WNK2: variants seen among roughly 807,000 people sequenced by gnomAD.
The protein encoded by WNK2 is serine/threonine-protein kinase WNK2.
A neutral mutation model predicts 192.1 loss-of-function variants in WNK2; 67 were observed. That is an observed-to-expected ratio of 0.35 (90% confidence interval 0.29 to 0.43). WNK2 has a LOEUF of 0.43. Ranked by LOEUF, WNK2 falls within the 20% of genes least tolerant of loss-of-function variation. WNK2 has a pLI of 1.00. For missense variants in WNK2, 2,698 were observed against 3,089.7 expected (o/e 0.87, Z 3.01); for synonymous variants, 1,439 against 1,393.9 (o/e 1.03, Z -0.72).
At chr9:93,202,317 C>T (rs1477389037) in intron 2 of WNK2, among the ~76,000 whole-genome samples, 2 of 130,952 alleles carry the variant, frequency 1.5e-5, no homozygotes, top group African/African-American at 5.9e-5. Context: ...TGCTGGGCTC[C>T]GTGTGCACGT....
chr9:93,257,948 C>T lies in WNK2; in HGVS notation c.2382+809C>T, dbSNP rs1843579954. 6.6e-6 allele frequency among the ~76,000 whole-genome samples: 1 copy of T among 152,186 alleles called. No individual in the cohort carries two copies. Among genetic ancestry groups the T allele is most frequent in the Admixed American group, 6.5e-5 (1 of 15,284 alleles). On this transcript the variant is annotated intron_variant, in intron 11 of 29. Coordinates refer to ENST00000427277, the MANE Select transcript of WNK2 (RefSeq NM_006648.4). The surrounding 1 kb of genome is among the most constrained non-coding windows in gnomAD (Gnocchi z 4.7). Reference sequence around the variant, plus strand: ...GCTTCGGTGACCCGGACAGGCTGATCAGTGATAAGACTGGAAGTGTGCTTC... The same window carrying T: ...GCTTCGGTGACCCGGACAGGCTGATTAGTGATAAGACTGGAAGTGTGCTTC...
chr9:93,284,508 GGAATGCTTTCTCTTTGA>G (rs1186122290), intron 19 of WNK2, among the ~76,000 whole-genome samples: 1 of 151,808 alleles, frequency 6.6e-6, no homozygotes, highest in Non-Finnish European at 1.5e-5. Context: ...GGTGAAATGT[GGAATGCTTTCTCTTTGA>G]GATGGGGAAC....
rs539604897 is a variant in WNK2, at chr9:93,288,408, G to A, written c.4034-380G>A. 1.4e-4 allele frequency among the ~76,000 whole-genome samples: 21 copies of A among 152,330 alleles called. No homozygotes were observed. The South Asian group carries it at 3.9e-3, about 29-fold the overall frequency. On this transcript the variant is annotated intron_variant, in intron 19 of 29. Transcript: ENST00000427277. ...GTCCAGTGCAAGATAGACAAGAGCC[G>A]TATCTTTCTGGAGCTGTCTGTGCGG...
At chr9:93,310,456 T>A (rs1331807149) in intron 28 of WNK2, among the ~76,000 whole-genome samples, 5 of 151,460 alleles carry the variant, frequency 3.3e-5, no homozygotes, top group Non-Finnish European at 5.9e-5. Flanking sequence ...AAAATATATA[T>A]ATATATATAA....
intron 2 of WNK2, among the ~76,000 whole-genome samples, chr9:93,203,341 TAGC>T (rs1832814757): frequency 6.6e-6 from 1 of 151,334 alleles, no homozygotes; most frequent in African/African-American, 2.4e-5. Context: ...TGGCGGGTGG[TAGC>T]AGAGGATGCA....
chr9:93,239,856 C>A lies in WNK2; in HGVS notation c.1422C>A (p.Ile474=). 6.2e-7 allele frequency: 1 copy of A among 1,601,074 alleles called. No individual in the cohort carries two copies. Among genetic ancestry groups the A allele is most frequent in the Non-Finnish European group, 8.5e-7 (1 of 1,174,274 alleles). ...AEEDHGRKST[I]ALRLWVEDPK... Reference sequence around the variant, plus strand: ...AGGACCACGGCAGGAAGTCCACCATCGCCCTGAGGCTCTGGGTGGAAGACC... The same window carrying A: ...AGGACCACGGCAGGAAGTCCACCATAGCCCTGAGGCTCTGGGTGGAAGACC... The change falls in exon 7 of 30, where the codon ATC becomes ATA. Residue 474 remains isoleucine, a synonymous_variant. Transcript: ENST00000427277. This position sits in a 1 kb window ranked among gnomAD's most constrained non-coding sequence, Gnocchi z 4.2.
At chr9:93,238,401 T>C in intron 6 of WNK2, 80 bp downstream of exon 6, 1 of 1,363,934 alleles carries the variant, frequency 7.3e-7, no homozygotes. Context: ...GCTGTGTTCT[T>C]GATGAGGGGA....
At chr9:93,311,916 C>T (rs1853730578) in intron 28 of WNK2, among the ~76,000 whole-genome samples, 1 of 152,098 alleles carries the variant, frequency 6.6e-6, no homozygotes, top group South Asian at 2.1e-4. Context: ...CACCGTGCGC[C>T]ACCGCGTTCA....
At chr9:93,209,300 G>A (rs988288821) in intron 2 of WNK2, among the ~76,000 whole-genome samples, 7 of 152,264 alleles carry the variant, frequency 4.6e-5, no homozygotes, top group African/African-American at 1.4e-4. Flanking sequence ...GCGCAAGGCC[G>A]GGACATTCTG....
chr9:93,231,704 A>T (rs1394644914), intron 4 of WNK2, among the ~76,000 whole-genome samples: 1 of 152,214 alleles, frequency 6.6e-6, no homozygotes, highest in African/African-American at 2.4e-5. Flanking sequence ...CAAGGAATTA[A>T]TTCAGCTTCT....
chr9:93,227,238 C>T (rs1010589331), intron 2 of WNK2, among the ~76,000 whole-genome samples: 6 of 152,032 alleles, frequency 3.9e-5, no homozygotes, highest in Admixed American at 2.6e-4. Flanking sequence ...CTCAGCCTCC[C>T]GAGTAGCTGG....
intron 8 of WNK2, among the ~76,000 whole-genome samples, chr9:93,250,339 A>G (rs1842403058): frequency 6.6e-6 from 1 of 152,372 alleles, no homozygotes; most frequent in South Asian, 2.1e-4. Flanking sequence ...ACAAATGTGA[A>G]CACATTCACC....
At chr9:93,269,362 C>G (rs1845699660) in intron 19 of WNK2, among the ~76,000 whole-genome samples, 1 of 152,140 alleles carries the variant, frequency 6.6e-6, no homozygotes, top group Admixed American at 6.5e-5. Flanking sequence ...GTTACTGATT[C>G]TATAACTTGA....
chr9:93,285,212 G>A (rs1848278758), intron 19 of WNK2, among the ~76,000 whole-genome samples: 2 of 152,086 alleles, frequency 1.3e-5, no homozygotes, highest in African/African-American at 2.4e-5. Flanking sequence ...AGAAATAATC[G>A]TGGCCTTTTG....
intron 7 of WNK2, among the ~76,000 whole-genome samples, chr9:93,245,257 T>C (rs545788123): frequency 1.2e-4 from 18 of 152,370 alleles, no homozygotes; most frequent in Middle Eastern, 3.4e-3. Context: ...TCGTGTCTGC[T>C]TCCTGAAACT....
intron 16 of WNK2, among the ~76,000 whole-genome samples, chr9:93,265,358 T>C (rs1186583799): frequency 1.3e-5 from 2 of 152,088 alleles, no homozygotes; most frequent in Non-Finnish European, 2.9e-5. Flanking sequence ...GTGAGAGGCT[T>C]TGTTCAACCT....
intron 2 of WNK2, among the ~76,000 whole-genome samples, chr9:93,194,299 T>C (rs1830850447): frequency 1.3e-5 from 2 of 152,192 alleles, no homozygotes. Context: ...GGAGAAAATA[T>C]TTGCAAATGA....
At chr9:93,186,428 A>AG (rs1829348015) in intron 2 of WNK2, among the ~76,000 whole-genome samples, 1 of 152,202 alleles carries the variant, frequency 6.6e-6, no homozygotes, top group Non-Finnish European at 1.5e-5. Flanking sequence ...GGGACAGCCT[A>AG]GGAAGCAGAG....
Position 93,259,253 on chromosome 9 carries a change from C to T in WNK2, c.2705C>T (p.Ala902Val). Residue 902 changes from alanine (A) to valine (V), a missense_variant, in exon 12 of 30, where the codon GCC becomes GTC. Ala to Val is a moderately conservative substitution (Grantham distance 64). Around this residue, in one of 7 missense-constraint regions of WNK2, gnomAD observed 893 missense variants for 909.0 expected, o/e 0.98. Coordinates refer to ENST00000427277, the MANE Select transcript of WNK2 (RefSeq NM_006648.4). The surrounding 1 kb of genome is among the most constrained non-coding windows in gnomAD (Gnocchi z 4.8). ...GTGGCTGCCCTGTCCATTCATTCTG[C>T]CGTGGCCCAGCTCCCAGGCCAACCT... ...PGVAALSIHS[A>V]VAQLPGQPVY... The T allele has an allele frequency of 6.2e-7, 1 of 1,613,490 alleles. No individual in the cohort carries two copies. Among genetic ancestry groups the T allele is most frequent in the Non-Finnish European group, 8.5e-7 (1 of 1,179,792 alleles).
Sources: allele counts gnomAD v4.1 joint callset (sites outside exome capture counted in the v4.1 genomes callset), GRCh38; gene constraint gnomAD v4.1.1; regional missense constraint gnomAD v4.1.1; non-coding constraint Gnocchi (gnomAD v3.1); transcripts MANE v1.5; gene names NCBI Gene and HGNC (gene_info 2026-07-23, HGNC 2026-07-21).